STIM2: variants seen among roughly 807,000 people sequenced by gnomAD.
STIM2 encodes the protein stromal interaction molecule 2.
A neutral mutation model predicts 85.8 loss-of-function variants in STIM2; 31 were observed. The observed-to-expected ratio is 0.36, with a 90% CI of 0.27 to 0.49. The LOEUF (loss-of-function observed/expected upper bound fraction) is 0.49. STIM2 is among the 20% of genes least tolerant of loss of function. STIM2 has a pLI of 0.98. For synonymous variants in STIM2, 356 were observed against 331.1 expected (o/e 1.08, Z -0.82); for missense variants, 841 against 927.6 (o/e 0.91, Z 1.21).
chr4:26,876,796 A>G (rs545437910), intron 1 of STIM2, among the ~76,000 whole-genome samples: 1 of 138,314 alleles, frequency 7.2e-6, no homozygotes, highest in South Asian at 2.5e-4. Context: ...TCTGTCTCTT[A>G]CTGTCTTTTT....
chr4:26,968,036 T>C (rs991032228), intron 3 of STIM2, among the ~76,000 whole-genome samples: 1 of 152,070 alleles, frequency 6.6e-6, no homozygotes, highest in African/African-American at 2.4e-5. Flanking sequence ...CCAGTCTTGG[T>C]AGTATGCACC....
At chr4:26,981,995 T>G (rs1277712303) in intron 3 of STIM2, among the ~76,000 whole-genome samples, 1 of 151,892 alleles carries the variant, frequency 6.6e-6, no homozygotes, top group Non-Finnish European at 1.5e-5. Flanking sequence ...GGAGAGATAC[T>G]TGAAGACTAT....
At chr4:26,882,312 G>A (rs779362577) in intron 1 of STIM2, among the ~76,000 whole-genome samples, 1 of 152,024 alleles carries the variant, frequency 6.6e-6, no homozygotes, top group Admixed American at 6.5e-5. Flanking sequence ...TTCCAGTTTT[G>A]TAAAGTTTCA....
intron 3 of STIM2, among the ~76,000 whole-genome samples, chr4:26,970,854 C>T (rs569667082): frequency 6.6e-6 from 1 of 151,950 alleles, no homozygotes; most frequent in Non-Finnish European, 1.5e-5. Context: ...CTTACACTCC[C>T]ACCAACAGTG....
chr4:26,933,424 G>T (rs893388786), intron 2 of STIM2, among the ~76,000 whole-genome samples: 1 of 152,174 alleles, frequency 6.6e-6, no homozygotes. Flanking sequence ...TGATGCAAAT[G>T]TGGAGAAACC....
chr4:26,894,162 C>T (rs1043217097), intron 1 of STIM2, among the ~76,000 whole-genome samples: 8 of 152,246 alleles, frequency 5.3e-5, no homozygotes, highest in African/African-American at 1.9e-4. Context: ...GCTGGGATTA[C>T]AGGCGTGAGC....
intron 3 of STIM2, among the ~76,000 whole-genome samples, chr4:26,973,593 G>A (rs559236467): frequency 1.3e-5 from 2 of 152,222 alleles, no homozygotes; most frequent in African/African-American, 4.8e-5. Flanking sequence ...ATCGCACTGT[G>A]GTCTGAGAGG....
chr4:26,938,255 AAG>A (rs935675422), intron 2 of STIM2, among the ~76,000 whole-genome samples: 9 of 151,946 alleles, frequency 5.9e-5, no homozygotes, highest in African/African-American at 1.9e-4. Flanking sequence ...GTGTATATGT[AAG>A]GTATATGATA....
chr4:27,003,888 C>A (rs959436995), intron 7 of STIM2, among the ~76,000 whole-genome samples: 11 of 152,122 alleles, frequency 7.2e-5, no homozygotes, highest in Non-Finnish European at 1.6e-4. Flanking sequence ...GAAAGCCCAT[C>A]ATTCCAGCCT....
chr4:26,894,502 T>A (rs576197391), intron 1 of STIM2, among the ~76,000 whole-genome samples: 3 of 152,318 alleles, frequency 2.0e-5, no homozygotes, highest in Non-Finnish European at 2.9e-5. Context: ...TTCCATTTTT[T>A]TCCTTCCGTG....
chr4:26,981,523 T>G (rs1179418214), intron 3 of STIM2, among the ~76,000 whole-genome samples: 6 of 152,150 alleles, frequency 3.9e-5, no homozygotes, highest in Non-Finnish European at 7.3e-5. Context: ...CCAGAGCAAA[T>G]AACTCCCATA....
intron 2 of STIM2, among the ~76,000 whole-genome samples, chr4:26,943,517 C>G (rs1560214871): frequency 6.6e-6 from 1 of 152,148 alleles, no homozygotes; most frequent in Non-Finnish European, 1.5e-5. Flanking sequence ...TGATAGGTTT[C>G]TTGCTTTCCG....
At chr4:26,937,682 C>T (rs746650245) in intron 2 of STIM2, among the ~76,000 whole-genome samples, 3 of 152,166 alleles carry the variant, frequency 2.0e-5, no homozygotes, top group African/African-American at 4.8e-5. Flanking sequence ...ATAATTACAT[C>T]CAGACAAAGG....
intron 11 of STIM2, chr4:27,020,891 T>G: frequency 1.0e-6 from 1 of 971,562 alleles, no homozygotes; most frequent in Non-Finnish European, 1.6e-6. Context: ...GCTCTTGCCT[T>G]TCTGTTCTGC....
chr4:26,979,665 A>G (rs975957747), intron 3 of STIM2, among the ~76,000 whole-genome samples: 2 of 152,356 alleles, frequency 1.3e-5, no homozygotes, highest in African/African-American at 2.4e-5. Context: ...TAAAACATAT[A>G]AAGGCATCCA....
chr4:26,899,375 T>C (rs1171148938), intron 1 of STIM2, among the ~76,000 whole-genome samples: 1 of 152,206 alleles, frequency 6.6e-6, no homozygotes, highest in Non-Finnish European at 1.5e-5. Context: ...TGAGGCTGGC[T>C]TTATAATTTT....
intron 2 of STIM2, among the ~76,000 whole-genome samples, chr4:26,930,101 A>G (rs1725149376): frequency 6.6e-6 from 1 of 152,158 alleles, no homozygotes; most frequent in South Asian, 2.1e-4. Context: ...CAACATAAAA[A>G]AGGTTAGATG....
chr4:26,862,198 G>A lies in STIM2; in HGVS notation c.151+829G>A, dbSNP rs1722238298. Among the ~76,000 whole-genome samples, 8 of 152,100 alleles carry A rather than the reference G, an allele frequency of 5.3e-5. No individual in the cohort carries two copies. The South Asian group carries it at 1.5e-3, about 28-fold the overall frequency. On this transcript the variant is annotated intron_variant, in intron 1 of 11. Transcript: ENST00000467087. ...GTTTTGTAAGGTTAAGTGCAGAATTGTATCCTTTTTAAAGCCTTCCGGTGT... is the reference window on the plus strand; with the variant it reads ...GTTTTGTAAGGTTAAGTGCAGAATTATATCCTTTTTAAAGCCTTCCGGTGT...
At chr4:26,975,291 G>C (rs1385041947) in intron 3 of STIM2, among the ~76,000 whole-genome samples, 1 of 152,160 alleles carries the variant, frequency 6.6e-6, no homozygotes, top group Non-Finnish European at 1.5e-5. Context: ...TGCTGGCGAG[G>C]AGCTGCAATC....
Sources: gnomAD v4.1 joint callset for allele counts (sites outside exome capture counted in the v4.1 genomes callset) on GRCh38, gnomAD v4.1.1 for gene constraint, MANE v1.5 for transcripts, NCBI Gene and HGNC (gene_info 2026-07-23, HGNC 2026-07-21) for gene names.